Variants in ZNF638 observed in about 807,000 individuals in gnomAD.
ZNF638 encodes the protein zinc finger protein 638, also known as CTCL tumor antigen se33-1.
ZNF638 carries 46 observed loss-of-function variants against 195.6 expected under a neutral mutation model. That is an observed-to-expected ratio of 0.24 (90% CI 0.19 to 0.30). ZNF638 has a LOEUF of 0.30. Ranked by LOEUF, ZNF638 falls within the 10% of genes least tolerant of loss-of-function variation. ZNF638 has a pLI of 1.00. For missense variants in ZNF638, 2,440 were observed against 2,325.3 expected (o/e 1.05, Z -1.01); for synonymous variants, 845 against 772.0 (o/e 1.09, Z -1.57).
Position 71,423,241 on chromosome 2 carries a change from T to C in ZNF638, c.3727T>C (p.Ser1243Pro), listed in dbSNP as rs759911949. ...ERNLKGILEE[S>P]PSEAEDFISG... ...GAACCTCAAAGGAATTCTAGAAGAA[T>C]CTCCATCTGAAGCAGAAGATTTCAT... Residue 1243 changes from serine (S) to proline (P), a missense_variant, in exon 22 of 28, where the codon TCT becomes CCT. Physicochemically the swap from Ser to Pro is moderately conservative, Grantham distance 74 (BLOSUM62 -1). Coordinates refer to ENST00000264447, the MANE Select transcript of ZNF638 (RefSeq NM_014497.5). The C allele has an allele frequency of 1.2e-6, 2 of 1,613,898 alleles. No homozygotes were observed. The highest frequency in any genetic ancestry group is 1.7e-6 in the Non-Finnish European group (2 of 1,179,988).
chr2:71,423,808 C>T lies in ZNF638; in HGVS notation c.4294C>T (p.Leu1432Phe). The change falls in exon 22 of 28, where the codon CTT becomes TTT. Residue 1432 changes from leucine to phenylalanine, a missense_variant. Leu to Phe is a conservative substitution (Grantham distance 22, BLOSUM62 0). Around this residue, in one of 5 missense-constraint regions of ZNF638, gnomAD observed 1,883 missense variants for 1,739.1 expected, o/e 1.08. Transcript: ENST00000264447. ...AGATCAAATAAATGCTGAAAAGAAACTTTCAGCCAAGGAATTTGGTCTGCT... is the reference window on the plus strand; with the variant it reads ...AGATCAAATAAATGCTGAAAAGAAATTTTCAGCCAAGGAATTTGGTCTGCT... ...PRDQINAEKK[L>F]SAKEFGLLKP... The T allele has an allele frequency of 1.2e-6, 2 of 1,614,032 alleles. No homozygotes were observed. The highest frequency in any genetic ancestry group is 1.7e-6 in the Non-Finnish European group (2 of 1,180,004).
At chr2:71,379,129 A>C in intron 8 of ZNF638, among the ~76,000 whole-genome samples, 1 of 152,310 alleles carries the variant, frequency 6.6e-6, no homozygotes, top group African/African-American at 2.4e-5. Context: ...GTAGTAATCA[A>C]AGCAAAAGGT....
intron 8 of ZNF638, among the ~76,000 whole-genome samples, chr2:71,378,575 C>T (rs1019163291): frequency 2.6e-5 from 4 of 152,084 alleles, no homozygotes; most frequent in African/African-American, 9.7e-5. Flanking sequence ...AGAGTTTTAA[C>T]TTCAAGGGGT....
intron 10 of ZNF638, chr2:71,393,303 T>C: frequency 1.6e-6 from 1 of 638,386 alleles, no homozygotes; most frequent in Non-Finnish European, 2.9e-6. Flanking sequence ...CCCGCAGTTT[T>C]ATGGAAAGAT....
intron 3 of ZNF638, among the ~76,000 whole-genome samples, chr2:71,359,046 A>G (rs1170785899): frequency 6.6e-6 from 1 of 152,182 alleles, no homozygotes; most frequent in Non-Finnish European, 1.5e-5. Context: ...TTTTATTTGC[A>G]CTGGGAAACC....
intron 15 of ZNF638, 56 bp from the exon 16 acceptor site, chr2:71,401,900 A>C (rs1313917278): frequency 2.7e-6 from 4 of 1,456,424 alleles, no homozygotes; most frequent in Non-Finnish European, 3.7e-6. Context: ...GTATAAACTT[A>C]AGTAAATATG....
chr2:71,420,973 A>G (rs1029927349), intron 21 of ZNF638, among the ~76,000 whole-genome samples: 1 of 152,188 alleles, frequency 6.6e-6, no homozygotes, highest in Non-Finnish European at 1.5e-5. Flanking sequence ...ATAATGGTTC[A>G]GTTTGTATAT....
At position 71,349,342 on chromosome 2, in the gene ZNF638, A is replaced by G. The variant is rs1311647571; in HGVS notation, c.388A>G (p.Lys130Glu). 3 of 1,614,092 alleles carry G rather than the reference A, an allele frequency of 1.9e-6. No homozygotes were observed. Among genetic ancestry groups the G allele is most frequent in the African/African-American group, 1.3e-5 (1 of 74,930 alleles). ...SVTQVTEQSP[K>E]VQSRYTKESA... Reference sequence around the variant, plus strand: ...AACACAGGTTACAGAGCAGAGTCCCAAAGTACAGAGCCGCTATACAAAAGA... The same window carrying G: ...AACACAGGTTACAGAGCAGAGTCCCGAAGTACAGAGCCGCTATACAAAAGA... Residue 130 changes from lysine to glutamate, a missense_variant, in exon 2 of 28, where the codon AAA becomes GAA. This residue lies in a region of ZNF638 where 191 missense variants were observed against 173.8 expected (regional missense o/e 1.10). Coordinates refer to ENST00000264447, the MANE Select transcript of ZNF638 (RefSeq NM_014497.5).
chr2:71,403,972 C>T lies in ZNF638; in HGVS notation c.2932C>T (p.Pro978Ser), dbSNP rs762300054. The T allele has an allele frequency of 7.4e-6, 12 of 1,611,388 alleles. No individual in the cohort carries two copies. Among genetic ancestry groups the T allele is most frequent in the African/African-American group, 2.7e-5 (2 of 74,782 alleles). ...AAATCAACTCTCAATAAGTATGGCT[C>T]CTGAAAACATGAATATAAAAGATGA... ...DGNQLSISMA[P>S]ENMNIKDEEA... Residue 978 changes from proline (P) to serine (S), a missense_variant, in exon 17 of 28, where the codon CCT becomes TCT. By Grantham distance (74) the Pro-to-Ser change is moderately conservative. Around this residue, in one of 5 missense-constraint regions of ZNF638, gnomAD observed 1,883 missense variants for 1,739.1 expected, o/e 1.08. Transcript: ENST00000264447.
chr2:71,369,196 A>G (rs2079261639), intron 7 of ZNF638, among the ~76,000 whole-genome samples: 1 of 151,924 alleles, frequency 6.6e-6, no homozygotes, highest in Non-Finnish European at 1.5e-5. Flanking sequence ...TTAGCCAGAC[A>G]TCTGTAATCC....
At chr2:71,363,067 T>A in intron 3 of ZNF638, 86 bp from the exon 4 acceptor site, 1 of 952,718 alleles carries the variant, frequency 1.0e-6, no homozygotes, top group South Asian at 1.5e-5. Context: ...TTGTGAAAAG[T>A]CCTTTTGATA....
At chr2:71,347,082 A>C (rs1312746614) in intron 1 of ZNF638, among the ~76,000 whole-genome samples, 1 of 152,140 alleles carries the variant, frequency 6.6e-6, no homozygotes, top group Non-Finnish European at 1.5e-5. Context: ...ATTGGTAGTC[A>C]AGGGAGGTTG....
In ZNF638 at chr2:71,349,976, T is replaced by C; in HGVS notation, c.1022T>C (p.Leu341Ser). 6.2e-7 allele frequency: 1 copy of C among 1,614,220 alleles called. No individual in the cohort carries two copies. The change falls in exon 2 of 28, where the codon TTA becomes TCA. Residue 341 changes from leucine (L) to serine (S), a missense_variant. Around this residue, in one of 5 missense-constraint regions of ZNF638, gnomAD observed 305 missense variants for 283.6 expected, o/e 1.08. Coordinates refer to ENST00000264447, the MANE Select transcript of ZNF638 (RefSeq NM_014497.5). ...AACCAGCAACCTTTTTCGTCGGAAT[T>C]AATTTCATCTGTAAGCCAGCAAGAG... ...SMNQQPFSSELISSVSQQERI... is the reference protein window; with the variant it reads ...SMNQQPFSSESISSVSQQERI...
intron 8 of ZNF638, chr2:71,375,785 C>T (rs1022396798): frequency 2.0e-5 from 3 of 152,164 alleles, no homozygotes; most frequent in African/African-American, 2.4e-5. Flanking sequence ...GAAAGCCTAG[C>T]AGATTGATTA....
At chr2:71,354,319 CTG>C (rs1177180917) in intron 2 of ZNF638, among the ~76,000 whole-genome samples, 2 of 145,726 alleles carry the variant, frequency 1.4e-5, no homozygotes, top group African/African-American at 2.5e-5. Flanking sequence ...ACCTTGGAAA[CTG>C]TATCTTTGTA....
At chr2:71,400,544 C>T (rs181132042) in intron 15 of ZNF638, 26 bp downstream of exon 15, 16 of 1,576,568 alleles carry the variant, frequency 1.0e-5, no homozygotes, top group Non-Finnish European at 1.4e-5. Context: ...TTATTTATTT[C>T]TTTAAAGCTC....
intron 20 of ZNF638, among the ~76,000 whole-genome samples, chr2:71,417,243 G>T (rs2080316516): frequency 6.6e-6 from 1 of 151,676 alleles, no homozygotes; most frequent in Non-Finnish European, 1.5e-5. Context: ...CGATTTTCCA[G>T]GTGCGTCCGT....
chr2:71,355,873 T>C (rs1354569158), intron 3 of ZNF638, 93 bp downstream of exon 3: 10 of 596,358 alleles, frequency 1.7e-5, no homozygotes, highest in Admixed American at 8.1e-5. Flanking sequence ...TATAATACTT[T>C]GGAGAAAAAT....
At chr2:71,396,929 A>G (rs2079905460) in intron 11 of ZNF638, among the ~76,000 whole-genome samples, 1 of 152,204 alleles carries the variant, frequency 6.6e-6, no homozygotes. Flanking sequence ...CCTAGGGGAC[A>G]GAGTGAGACT....
Sources: allele counts gnomAD v4.1 joint callset (sites outside exome capture counted in the v4.1 genomes callset), GRCh38; gene constraint gnomAD v4.1.1; regional missense constraint gnomAD v4.1.1; transcripts MANE v1.5; gene names NCBI Gene and HGNC (gene_info 2026-07-23, HGNC 2026-07-21).